GLT1D1: variants seen among roughly 807,000 people sequenced by gnomAD.
GLT1D1 encodes the protein glycosyltransferase 1 domain-containing protein 1.
A neutral mutation model predicts 28.7 loss-of-function variants in GLT1D1; 21 were observed. The ratio of observed to expected loss-of-function variants is 0.73; its 90% confidence interval spans 0.52 to 1.05. The LOEUF (loss-of-function observed/expected upper bound fraction) is 1.05, where lower values mean the gene tolerates loss of function less well. GLT1D1 is among the 50% of genes least tolerant of loss of function. The pLI, the probability that GLT1D1 is intolerant of heterozygous loss-of-function variation, is 0.00. For synonymous variants in GLT1D1, 147 were observed against 124.8 expected (o/e 1.18, Z -1.19); for missense variants, 343 against 330.6 (o/e 1.04, Z -0.29).
chr12:128,933,677 C>T (rs1296682059), intron 4 of GLT1D1, among the ~76,000 whole-genome samples: 1 of 152,184 alleles, frequency 6.6e-6, no homozygotes, highest in Non-Finnish European at 1.5e-5. Context: ...AGACCTCAGT[C>T]TGGCTCAGAT....
At chr12:128,854,663 A>AT (rs61327906) in intron 1 of GLT1D1, among the ~76,000 whole-genome samples, 19,786 of 151,672 alleles carry the variant, frequency 0.13, 1,400 homozygotes, top group Middle Eastern at 0.27. Flanking sequence ...CGCCCGGCTG[A>AT]TTTTTGTATT....
chr12:128,879,378 TTTTC>T (rs572806857), intron 2 of GLT1D1, among the ~76,000 whole-genome samples: 3,674 of 69,390 alleles, frequency 0.053, 244 homozygotes, highest in Non-Finnish European at 0.064. Flanking sequence ...ATTTTTTTCT[TTTTC>T]TTTCTTTCTT....
At chr12:128,947,282 C>G in intron 5 of GLT1D1, 56 bp from the exon 10 acceptor site, 2 of 1,609,514 alleles carry the variant, frequency 1.2e-6, no homozygotes, top group South Asian at 1.1e-5. Flanking sequence ...CTCCTCCCAG[C>G]TGCCTACCCA....
chr12:128,897,099 A>G (rs1022043064), intron 3 of GLT1D1, among the ~76,000 whole-genome samples: 5 of 152,188 alleles, frequency 3.3e-5, no homozygotes, highest in Non-Finnish European at 2.9e-5. Flanking sequence ...TGCCAATCTT[A>G]TATGTGATGC....
chr12:128,919,395 T>C (rs76217846), intron 4 of GLT1D1, among the ~76,000 whole-genome samples: 7 of 152,142 alleles, frequency 4.6e-5, no homozygotes, highest in Non-Finnish European at 7.3e-5. Flanking sequence ...AGTTGAGTGA[T>C]TGATTAGTCA....
intron 2 of GLT1D1, among the ~76,000 whole-genome samples, chr12:128,887,657 C>T (rs1165258337): frequency 6.6e-6 from 1 of 152,092 alleles, no homozygotes; most frequent in Admixed American, 6.5e-5. Context: ...GAATTCATAG[C>T]AGTGGAATTC....
At chr12:128,873,119 C>T (rs1956741349) in intron 1 of GLT1D1, among the ~76,000 whole-genome samples, 1 of 152,106 alleles carries the variant, frequency 6.6e-6, no homozygotes, top group Admixed American at 6.6e-5. Flanking sequence ...TGGTCTCGAA[C>T]TCCTGAGCCC....
intron 1 of GLT1D1, among the ~76,000 whole-genome samples, chr12:128,859,965 T>G (rs974580563): frequency 6.6e-6 from 1 of 152,166 alleles, no homozygotes; most frequent in African/African-American, 2.4e-5. Context: ...AACTTGAGAA[T>G]TGATGTCGTA....
chr12:128,941,017 A>AATCT (rs1248069076), intron 4 of GLT1D1, among the ~76,000 whole-genome samples: 1 of 152,168 alleles, frequency 6.6e-6, no homozygotes, highest in East Asian at 1.9e-4. Context: ...GGTAACCACC[A>AATCT]ATCTACTTTC....
intron 1 of GLT1D1, among the ~76,000 whole-genome samples, chr12:128,863,960 A>G (rs1956447039): frequency 6.6e-6 from 1 of 151,468 alleles, no homozygotes; most frequent in Non-Finnish European, 1.5e-5. Flanking sequence ...AAAAAAAAAA[A>G]AAAAAAAAAG....
At chr12:128,925,847 A>AT (rs113759268) in intron 4 of GLT1D1, among the ~76,000 whole-genome samples, 8 of 151,900 alleles carry the variant, frequency 5.3e-5, no homozygotes, top group South Asian at 2.1e-4. Flanking sequence ...GCTCAGCTCC[A>AT]TTTTTTCCCA....
Position 128,853,632 on chromosome 12 carries a change from C to A in GLT1D1, c.51C>A (p.Val17=). Residue 17 remains valine (V), a synonymous_variant, in exon 1 of 8, where the codon GTC becomes GTA. Coordinates refer to ENST00000281703, the MANE Select transcript of GLT1D1 (RefSeq NM_144669.3). ...TGCGGCCACACACCGGCAACGCGGTCACGGCCCAGCGCGTTCGGTAGGTGC... is the reference window on the plus strand; with the variant it reads ...TGCGGCCACACACCGGCAACGCGGTAACGGCCCAGCGCGTTCGGTAGGTGC... The A allele has an allele frequency of 8.5e-7, 1 of 1,177,846 alleles. No homozygotes were observed. The highest frequency in any genetic ancestry group is 1.1e-6 in the Non-Finnish European group (1 of 942,662). 73.0% of individuals were successfully genotyped at this position (1,177,846 alleles called of 1,614,324 possible). A position where few individuals can be genotyped will look rare whatever the true frequency, so the allele number is the denominator to read the frequency against.
chr12:128,888,247 G>C (rs2135827672), intron 2 of GLT1D1, among the ~76,000 whole-genome samples: 1 of 152,268 alleles, frequency 6.6e-6, no homozygotes, highest in African/African-American at 2.4e-5. Flanking sequence ...GTGCCTGTTG[G>C]TGTTGATGAA....
intron 4 of GLT1D1, among the ~76,000 whole-genome samples, chr12:128,916,500 A>G (rs896474946): frequency 6.6e-6 from 1 of 152,126 alleles, no homozygotes; most frequent in South Asian, 2.1e-4. Flanking sequence ...GTTACTCCAC[A>G]TTCTTGCCCA....
intron 4 of GLT1D1, among the ~76,000 whole-genome samples, chr12:128,942,123 A>G (rs1379014813): frequency 6.6e-6 from 1 of 151,362 alleles, no homozygotes; most frequent in Non-Finnish European, 1.5e-5. Flanking sequence ...ATTTATTAGA[A>G]CACAGTCATT....
chr12:128,931,917 G>GCACACACACA (rs372135029), intron 4 of GLT1D1, among the ~76,000 whole-genome samples: 29 of 140,998 alleles, frequency 2.1e-4, no homozygotes, highest in African/African-American at 7.5e-4. Context: ...ACACACGCAC[G>GCACACACACA]CACACACACA....
rs767390154 is a variant in GLT1D1 at position 128,983,040 on chromosome 12, G to A, written c.751G>A (p.Asp251Asn). Residue 251 changes from aspartate to asparagine, a missense_variant, in exon 8 of 8, where the codon GAC becomes AAC. By Grantham distance (23) the Asp-to-Asn change is conservative. Coordinates refer to ENST00000281703, the MANE Select transcript of GLT1D1 (RefSeq NM_144669.3). The surrounding 1 kb of genome is among the most constrained non-coding windows in gnomAD (Gnocchi z 4.7). ...GTATCATTCATGGCAGGTGGAAAGA[G>A]ACACCTACCAACAGCTCATCAGGAA... 3.1e-6 allele frequency: 5 copies of A among 1,613,954 alleles called. No individual in the cohort carries two copies. The African/African-American group carries it at 6.7e-5, about 22-fold the overall frequency.
At chr12:128,951,987 G>A (rs1256458928) in intron 6 of GLT1D1, among the ~76,000 whole-genome samples, 2 of 152,096 alleles carry the variant, frequency 1.3e-5, no homozygotes, top group Non-Finnish European at 1.5e-5. Flanking sequence ...CCTCCCCTGC[G>A]TCTCCCCGTG....
intron 1 of GLT1D1, among the ~76,000 whole-genome samples, chr12:128,861,258 T>C (rs1227645962): frequency 6.6e-6 from 1 of 152,236 alleles, no homozygotes; most frequent in Non-Finnish European, 1.5e-5. Context: ...TTCACATTTC[T>C]GCTTTTGCTT....
Sources: allele counts gnomAD v4.1 joint callset (sites outside exome capture counted in the v4.1 genomes callset), GRCh38; gene constraint gnomAD v4.1.1; non-coding constraint Gnocchi (gnomAD v3.1); transcripts MANE v1.5; gene names NCBI Gene and HGNC (gene_info 2026-07-23, HGNC 2026-07-21).